Variants in PAK3 observed in about 807,000 individuals in gnomAD.
PAK3 encodes the protein serine/threonine-protein kinase PAK 3.
Under a neutral mutation model 41.0 loss-of-function variants are expected in PAK3, and 4 were observed. That is an observed-to-expected ratio of 0.10 (90% CI 0.05 to 0.22). The LOEUF (loss-of-function observed/expected upper bound fraction) is 0.22, where lower values mean the gene tolerates loss of function less well. Ranked by LOEUF, PAK3 falls within the 10% of genes least tolerant of loss-of-function variation. The pLI is 1.00. For missense variants in PAK3, 205 were observed against 409.9 expected (o/e 0.50, Z 4.32); for synonymous variants, 146 against 139.6 (o/e 1.05, Z -0.32).
intron 16 of PAK3, among the ~76,000 whole-genome samples, chrX:111,208,367 G>A (rs867950053): frequency 8.9e-6 from 1 of 111,931 alleles, no homozygotes; most frequent in Non-Finnish European, 1.9e-5. Context: ...TAAAGCCTAT[G>A]GCAGTGTATA....
rs372324018 is a variant in PAK3, at chrX:110,955,244, C to A, written c.-28+10616C>A. 2.7e-5 allele frequency among the ~76,000 whole-genome samples: 3 copies of A among 112,100 alleles called. 1 individual carries two copies. On this transcript the variant is annotated intron_variant, in intron 1 of 14. Transcript: ENST00000425146. ...TAATGCCCTTTTTGAAGTAGCCGAA[C>A]TTTTCACTTTGACTGTAGTATAGGG... is the stretch of plus-strand genomic sequence containing the variant.
chrX:111,068,493 G>T (rs2092717701), intron 1 of PAK3, among the ~76,000 whole-genome samples: 1 of 111,806 alleles, frequency 8.9e-6, no homozygotes, highest in South Asian at 3.8e-4. Flanking sequence ...ATAGAGACTG[G>T]TTTTTGCCAT....
At chrX:111,070,273 TTATATGGA>T (rs1246158425) in intron 1 of PAK3, among the ~76,000 whole-genome samples, 1 of 105,330 alleles carries the variant, frequency 9.5e-6, no homozygotes, top group Non-Finnish European at 1.9e-5. Flanking sequence ...ATTTGATCAT[TTATATGGA>T]CAACAGCTGA....
chrX:111,077,641 T>C (rs1295461110), intron 1 of PAK3, among the ~76,000 whole-genome samples: 2 of 111,964 alleles, frequency 1.8e-5, no homozygotes, highest in East Asian at 5.6e-4. Context: ...TCACTCATAA[T>C]ATACACAAAG....
chrX:111,151,466 C>T (rs996131397), intron 7 of PAK3, among the ~76,000 whole-genome samples: 4 of 110,733 alleles, frequency 3.6e-5, no homozygotes, highest in Admixed American at 1.9e-4. Flanking sequence ...GACTGACTAA[C>T]TGAATAGGAA....
At chrX:111,167,517 T>C (rs1401916520) in intron 10 of PAK3, among the ~76,000 whole-genome samples, 3 of 111,301 alleles carry the variant, frequency 2.7e-5, no homozygotes, top group Non-Finnish European at 5.7e-5. Flanking sequence ...GAGGTCATTA[T>C]TGGGTGAAAT....
chrX:111,116,858 A>G (rs1172940272), intron 4 of PAK3, among the ~76,000 whole-genome samples: 1 of 112,467 alleles, frequency 8.9e-6, no homozygotes, highest in Non-Finnish European at 1.9e-5. Context: ...AGGTGGCTGT[A>G]AAAAGAGCTA....
At chrX:111,140,122 C>T (rs768628073) in intron 5 of PAK3, among the ~76,000 whole-genome samples, 33 of 111,765 alleles carry the variant, frequency 3.0e-4, no homozygotes, top group East Asian at 2.0e-3. Flanking sequence ...ACCTTCCTCT[C>T]AAATTACATG....
intron 1 of PAK3, among the ~76,000 whole-genome samples, chrX:111,047,522 A>G (rs2092511720): frequency 9.0e-6 from 1 of 111,015 alleles, no homozygotes. Flanking sequence ...GTAGTCTTTC[A>G]ACAGGTAGAA....
intron 1 of PAK3, among the ~76,000 whole-genome samples, chrX:111,067,653 CTT>C (rs1232257064): frequency 1.8e-5 from 2 of 111,780 alleles, no homozygotes; most frequent in Admixed American, 9.5e-5. Flanking sequence ...TGATTTGTCT[CTT>C]AGTCTATAAT....
chrX:111,202,014 G>A (rs1449662603), intron 16 of PAK3, among the ~76,000 whole-genome samples: 1 of 109,786 alleles, frequency 9.1e-6, no homozygotes, highest in Non-Finnish European at 1.9e-5. Context: ...AGGAATGGAG[G>A]GTTTTGCACA....
At chrX:111,075,553 T>A (rs928882081) in intron 1 of PAK3, among the ~76,000 whole-genome samples, 3 of 112,465 alleles carry the variant, frequency 2.7e-5, no homozygotes, top group African/African-American at 9.7e-5. Context: ...TTTCAGAGGA[T>A]GTATGGGAAA....
At chrX:110,966,450 T>C (rs776652219) in intron 1 of PAK3, among the ~76,000 whole-genome samples, 28 of 107,460 alleles carry the variant, frequency 2.6e-4, no homozygotes, top group African/African-American at 9.2e-4. Flanking sequence ...GGAGGGAGGG[T>C]AGGAGAGAAA....
rs113126993 is a variant in PAK3 at position 110,983,529 on chromosome X, C to CGTGTGTGT, written c.-28+38913_-28+38920dup. Among the ~76,000 whole-genome samples, 221 of 100,291 alleles carry CGTGTGTGT rather than the reference C, an allele frequency of 2.2e-3. 1 individual carries two copies. The highest frequency in any genetic ancestry group is 7.6e-3 in the African/African-American group (209 of 27,554). 87.1% of individuals were successfully genotyped at this position (100,291 alleles called of 115,157 possible). A position where few individuals can be genotyped will look rare whatever the true frequency, so the allele number is the denominator to read the frequency against. ...TTGTGTGCATGTGTGTGTATGTCTG[C>CGTGTGTGT]GTGTGTGTGTGTGTGTGTGAAAGAG... is the stretch of plus-strand genomic sequence containing the variant. On this transcript the variant is annotated intron_variant, in intron 1 of 14. Transcript: ENST00000425146.
At chrX:111,179,011 CTATATATATA>C (rs57999727) in intron 11 of PAK3, among the ~76,000 whole-genome samples, 1 of 89,815 alleles carries the variant, frequency 1.1e-5, no homozygotes, top group African/African-American at 4.3e-5. Context: ...ATCTATATAT[CTATATATATA>C]TATATATATA....
chrX:111,148,414 AT>A (rs1232545885), intron 7 of PAK3, among the ~76,000 whole-genome samples: 3 of 111,888 alleles, frequency 2.7e-5, no homozygotes, highest in African/African-American at 9.8e-5. Flanking sequence ...TCTTGACCTT[AT>A]TTGCTAGTGT....
chrX:111,146,426 C>G, intron 6 of PAK3: 1 of 590,232 alleles, frequency 1.7e-6, no homozygotes, highest in South Asian at 2.7e-5. Context: ...GGACTCCCCC[C>G]ATTCAGACCC....
At chrX:111,219,650 C>T (rs2094911580) in intron 17 of PAK3, among the ~76,000 whole-genome samples, 1 of 110,825 alleles carries the variant, frequency 9.0e-6, no homozygotes. Context: ...AGGTCATACA[C>T]TATGGATTTA....
intron 1 of PAK3, among the ~76,000 whole-genome samples, chrX:110,952,439 C>T (rs748189604): frequency 2.7e-5 from 3 of 111,505 alleles, no homozygotes; most frequent in Non-Finnish European, 5.7e-5. Flanking sequence ...TTGGACACTG[C>T]TGGAAAAGGA....
Sources: gnomAD v4.1 joint callset for allele counts (sites outside exome capture counted in the v4.1 genomes callset) on GRCh38, gnomAD v4.1.1 for gene constraint, MANE v1.5 for transcripts, NCBI Gene and HGNC (gene_info 2026-07-23, HGNC 2026-07-21) for gene names.